Variants in HDGF observed in about 807,000 individuals in gnomAD.
The protein encoded by HDGF is hepatoma-derived growth factor.
A neutral mutation model predicts 30.0 loss-of-function variants in HDGF; 5 were observed. The observed-to-expected ratio is 0.17, with a 90% CI of 0.09 to 0.35. The LOEUF (loss-of-function observed/expected upper bound fraction) is 0.35. Among genes scored for constraint, HDGF ranks in the 10% least tolerant of loss-of-function variants. The pLI, the probability that HDGF is intolerant of heterozygous loss-of-function variation, is 1.00. For missense variants in HDGF, 214 were observed against 302.8 expected (o/e 0.71, Z 2.18); for synonymous variants, 133 against 112.7 (o/e 1.18, Z -1.14).
chr1:156,748,788 G>A (rs1422500676), intron 1 of HDGF, among the ~76,000 whole-genome samples: 3 of 152,208 alleles, frequency 2.0e-5, no homozygotes, highest in African/African-American at 7.2e-5. Flanking sequence ...ACCACACCCA[G>A]GGCTGAGGCC....
At chr1:156,752,555 G>C (rs549659123), upstream of HDGF, 1 of 606,058 alleles carries the variant, frequency 1.7e-6, no homozygotes, top group East Asian at 2.8e-5. Context: ...GGTCTGGGAA[G>C]GCTTCACAAA....
At chr1:156,748,581 G>A (rs1650753032) in intron 1 of HDGF, among the ~76,000 whole-genome samples, 1 of 152,180 alleles carries the variant, frequency 6.6e-6, no homozygotes, top group African/African-American at 2.4e-5. Context: ...CATCAGACAG[G>A]CCTGAGCACA....
In HDGF at chr1:156,743,808, A is replaced by G. The variant is rs760182397; in HGVS notation, c.560T>C (p.Val187Ala). ...GEEKEAATLE[V>A]ERPLPMEVEK... ...CACCTCCATAGGAAGGGGCCTCTCAACCTCCAAGGTGGCTGCCTCCTTCTC... is the reference window on the plus strand; with the variant it reads ...CACCTCCATAGGAAGGGGCCTCTCAGCCTCCAAGGTGGCTGCCTCCTTCTC... Residue 187 changes from valine to alanine, a missense_variant, in exon 5 of 6, where the codon GTT (valine) becomes GCT (alanine). Around this residue, in one of 2 missense-constraint regions of HDGF, gnomAD observed 176 missense variants for 211.7 expected, o/e 0.83. Transcript: ENST00000357325. 1.1e-5 allele frequency: 18 copies of G among 1,609,778 alleles called. No homozygotes were observed. The highest frequency in any genetic ancestry group is 4.0e-5 in the African/African-American group (3 of 74,630).
chr1:156,743,582 T>C, intron 5 of HDGF, 70 bp downstream of exon 5: 4 of 1,553,492 alleles, frequency 2.6e-6, no homozygotes, highest in Non-Finnish European at 3.6e-6. Context: ...GCAGGCCCTT[T>C]TCATCCTCTT....
chr1:156,762,776 G>A (rs1651272774), intron 1 of HDGF, among the ~76,000 whole-genome samples: 1 of 152,074 alleles, frequency 6.6e-6, no homozygotes, highest in Non-Finnish European at 1.5e-5. Context: ...GGAGGCTGAG[G>A]CAGGAGAATT....
At chr1:156,760,759 G>C (rs1571562024) in intron 1 of HDGF, among the ~76,000 whole-genome samples, 1 of 151,854 alleles carries the variant, frequency 6.6e-6, no homozygotes, top group South Asian at 2.1e-4. Flanking sequence ...ATCCTGCTCT[G>C]ACTTCATCAT....
chr1:156,759,483 T>TC (rs1326215330), intron 1 of HDGF, among the ~76,000 whole-genome samples: 3 of 148,512 alleles, frequency 2.0e-5, no homozygotes, highest in Non-Finnish European at 3.0e-5. Flanking sequence ...CCCATTCTTT[T>TC]TTTTTTTTTT....
chr1:156,747,935 A>AGGAGGCCACC (rs1186332208), intron 1 of HDGF, among the ~76,000 whole-genome samples: 1 of 152,170 alleles, frequency 6.6e-6, no homozygotes. Flanking sequence ...CAGGGGACCC[A>AGGAGGCCACC]GGAGGCCACC....
upstream of HDGF, among the ~76,000 whole-genome samples, chr1:156,753,711 C>T (rs963117689): frequency 2.0e-5 from 3 of 148,816 alleles, no homozygotes; most frequent in Admixed American, 6.7e-5. Context: ...CCACCACGCC[C>T]GGCTAATTTT....
chr1:156,751,929 G>T, upstream of HDGF: 2 of 1,088,838 alleles, frequency 1.8e-6, no homozygotes, highest in Non-Finnish European at 2.6e-6. This position sits in a 1 kb window ranked among gnomAD's most constrained non-coding sequence, Gnocchi z 4.7. Context: ...AGCACGCCGA[G>T]CAGGCTTTGT....
chr1:156,761,272 T>G (rs1034341853), intron 1 of HDGF, among the ~76,000 whole-genome samples: 11 of 151,486 alleles, frequency 7.3e-5, no homozygotes, highest in African/African-American at 2.4e-4. Flanking sequence ...ATTGTGCCAC[T>G]GTACTCCAGA....
intron 2 of HDGF, among the ~76,000 whole-genome samples, chr1:156,757,997 T>C (rs918871927): frequency 2.0e-5 from 3 of 151,946 alleles, no homozygotes; most frequent in African/African-American, 4.8e-5. Flanking sequence ...TTGGAGTCAC[T>C]TGAAGAATGA....
chr1:156,756,494 T>C (rs1651156047), upstream of HDGF, among the ~76,000 whole-genome samples: 1 of 152,172 alleles, frequency 6.6e-6, no homozygotes, highest in Admixed American at 6.6e-5. Context: ...TTACTTAGGT[T>C]TGAATCCCAG....
chr1:156,765,394 T>C (rs1392988144), intron 1 of HDGF, among the ~76,000 whole-genome samples: 1 of 149,982 alleles, frequency 6.7e-6, no homozygotes, highest in Non-Finnish European at 1.5e-5. Context: ...CACCCGACCT[T>C]CTTTATCCAT....
At chr1:156,745,222 C>A (rs1449174031) in intron 2 of HDGF, 75 bp downstream of exon 2, 4 of 1,608,970 alleles carry the variant, frequency 2.5e-6, no homozygotes, top group Admixed American at 3.3e-5. Context: ...GAAAGGGGCA[C>A]CAACACCACC....
chr1:156,766,352 G>A (rs773536521), intron 1 of HDGF, among the ~76,000 whole-genome samples: 11 of 152,114 alleles, frequency 7.2e-5, no homozygotes, highest in Non-Finnish European at 1.6e-4. Flanking sequence ...AGAATTTTCT[G>A]CAATCTGGGA....
upstream of HDGF, chr1:156,752,073 G>C (rs374103272): frequency 6.6e-5 from 102 of 1,551,596 alleles, no homozygotes; most frequent in African/African-American, 1.2e-3. Flanking sequence ...GTGGACGTCT[G>C]TACACGGTTT....
At chr1:156,762,578 C>T (rs1024329363) in intron 1 of HDGF, among the ~76,000 whole-genome samples, 11 of 151,256 alleles carry the variant, frequency 7.3e-5, no homozygotes, top group African/African-American at 2.4e-4. Context: ...ATACTAAAAA[C>T]TTTACATCAT....
Position 156,742,617 on chromosome 1 carries a change from C to A in HDGF, c.*832G>T, listed in dbSNP as rs1362667180. On this transcript the variant is annotated 3_prime_UTR_variant, in exon 6 of 6. Coordinates refer to ENST00000357325, the MANE Select transcript of HDGF (RefSeq NM_004494.3). Reference sequence around the variant, plus strand: ...GGTGATATATATGACTATAAGCTGGCCTTGAGCACTGTGTGGAGAGGAAAA... The same window carrying A: ...GGTGATATATATGACTATAAGCTGGACTTGAGCACTGTGTGGAGAGGAAAA... The A allele has an allele frequency of 6.5e-6, 1 of 152,808 alleles. No homozygotes were observed. Among genetic ancestry groups the A allele is most frequent in the Non-Finnish European group, 1.5e-5 (1 of 68,168 alleles). The allele number at this position is 152,808 out of a possible 1,614,324, so 9.5% of individuals were successfully genotyped here. A position where few individuals can be genotyped will look rare whatever the true frequency, so the allele number is the denominator to read the frequency against.
Sources: gnomAD v4.1 joint callset for allele counts (sites outside exome capture counted in the v4.1 genomes callset) on GRCh38, gnomAD v4.1.1 for gene constraint, gnomAD v4.1.1 regional missense constraint, Gnocchi (gnomAD v3.1) non-coding constraint, MANE v1.5 for transcripts, NCBI Gene and HGNC (gene_info 2026-07-23, HGNC 2026-07-21) for gene names.